Variants in MCPH1 observed in about 807,000 individuals in gnomAD.
The protein encoded by MCPH1 is microcephalin.
Under a neutral mutation model 84.5 loss-of-function variants are expected in MCPH1, and 104 were observed. The observed-to-expected ratio is 1.23, with a 90% confidence interval of 1.05 to 1.45. The LOEUF is 1.45. Ranked by LOEUF, MCPH1 falls within the 40% of genes most tolerant of loss-of-function variation. The pLI, the probability that MCPH1 is intolerant of heterozygous loss-of-function variation, is 0.00. For missense variants in MCPH1, 1,498 were observed against 1,005.7 expected (o/e 1.49, Z -6.62); for synonymous variants, 514 against 366.8 (o/e 1.40, Z -4.58).
At chr8:6,416,646 C>A (rs1010746488) in intron 3 of MCPH1, among the ~76,000 whole-genome samples, 4 of 152,132 alleles carry the variant, frequency 2.6e-5, no homozygotes, top group African/African-American at 7.2e-5. Context: ...ACCTTGCAGT[C>A]CTAGGATAAA....
At chr8:6,525,875 A>C (rs2442612) in intron 12 of MCPH1, among the ~76,000 whole-genome samples, 12,886 of 152,288 alleles carry the variant, frequency 0.085, 731 homozygotes, top group African/African-American at 0.15. Context: ...GATTGGAAAA[A>C]TATTTGCAAA....
chr8:6,587,417 T>C (rs764110755), intron 12 of MCPH1, among the ~76,000 whole-genome samples: 3 of 152,192 alleles, frequency 2.0e-5, no homozygotes, highest in Non-Finnish European at 4.4e-5. Context: ...ACAATAGAAT[T>C]CAACACTTTC....
chr8:6,436,985 T>C (rs1014388203), intron 5 of MCPH1, among the ~76,000 whole-genome samples: 1 of 151,934 alleles, frequency 6.6e-6, no homozygotes, highest in Admixed American at 6.6e-5. Context: ...AAAAAGAATA[T>C]TATGAAACAT....
intron 12 of MCPH1, among the ~76,000 whole-genome samples, chr8:6,593,639 C>A (rs548781277): frequency 6.0e-4 from 91 of 152,194 alleles, no homozygotes; most frequent in Non-Finnish European, 1.0e-3. Flanking sequence ...TAGGTGTGAA[C>A]CCCTACAGCT....
intron 4 of MCPH1, among the ~76,000 whole-genome samples, chr8:6,432,959 T>A (rs561851634): frequency 6.6e-6 from 1 of 152,232 alleles, no homozygotes; most frequent in Non-Finnish European, 1.5e-5. Flanking sequence ...CAGCTTTCAA[T>A]TTGATGAGTA....
chr8:6,550,288 C>A (rs998153403), intron 12 of MCPH1, among the ~76,000 whole-genome samples: 1 of 152,056 alleles, frequency 6.6e-6, no homozygotes, highest in Non-Finnish European at 1.5e-5. Flanking sequence ...GAGGTTGAAT[C>A]CCCGGGGCAT....
At chr8:6,416,003 G>T (rs556165307) in intron 3 of MCPH1, among the ~76,000 whole-genome samples, 2 of 152,148 alleles carry the variant, frequency 1.3e-5, no homozygotes, top group East Asian at 3.9e-4. Context: ...CAGTGTACAA[G>T]TTTTTTACCC....
In MCPH1 at chr8:6,513,239, A is replaced by G. The variant is rs1452898580; in HGVS notation, c.2214+13310A>G. ...ATTTTAAACCCAGAGAAACTTAAAG[A>G]AGTAATAGTTTAGATCTTGGTTAAA... is the stretch of plus-strand genomic sequence containing the variant. On this transcript the variant is annotated intron_variant, in intron 12 of 13. Coordinates refer to ENST00000344683, the MANE Select transcript of MCPH1 (RefSeq NM_024596.5). Among the ~76,000 whole-genome samples the G allele has an allele frequency of 2.0e-5, 3 of 152,208 alleles. No homozygotes were observed. In the East Asian group the frequency reaches 5.8e-4, roughly 29 times the overall value.
Position 6,599,235 on chromosome 8 carries a change from G to A in MCPH1, c.2215-22219G>A, listed in dbSNP as rs137924170. On this transcript the variant is annotated intron_variant, in intron 12 of 13. Transcript: ENST00000344683. ...GAATGCCTTCCTCCGCGGACCGGAA[G>A]GATATTTTTAAAGGAATGTGAAGCT... 2.3e-3 allele frequency among the ~76,000 whole-genome samples: 344 copies of A among 152,310 alleles called. 1 individual carries two copies. Among genetic ancestry groups the A allele is most frequent in the African/African-American group, 7.8e-3 (324 of 41,578 alleles).
intron 12 of MCPH1, among the ~76,000 whole-genome samples, chr8:6,545,494 T>C (rs1184807055): frequency 3.3e-5 from 5 of 152,250 alleles, no homozygotes; most frequent in Non-Finnish European, 7.3e-5. Flanking sequence ...TAATGCCTAA[T>C]GAAATGAACT....
intron 9 of MCPH1, among the ~76,000 whole-genome samples, chr8:6,477,018 G>A (rs1194558824): frequency 3.3e-5 from 5 of 151,386 alleles, no homozygotes; most frequent in Non-Finnish European, 7.4e-5. Context: ...GCAAGTCAGC[G>A]TGCATTTCTT....
intron 9 of MCPH1, among the ~76,000 whole-genome samples, chr8:6,475,645 T>C (rs1194499876): frequency 6.6e-6 from 1 of 152,136 alleles, no homozygotes; most frequent in Non-Finnish European, 1.5e-5. Context: ...TATCCCCAGG[T>C]CACCAGAAGA....
chr8:6,449,520 C>G (rs1804825690), intron 8 of MCPH1, among the ~76,000 whole-genome samples: 1 of 152,044 alleles, frequency 6.6e-6, no homozygotes, highest in Non-Finnish European at 1.5e-5. Flanking sequence ...ATAATCTCAG[C>G]TACTTGGGAG....
At chr8:6,565,936 C>A (rs1459046404) in intron 12 of MCPH1, among the ~76,000 whole-genome samples, 2 of 152,154 alleles carry the variant, frequency 1.3e-5, no homozygotes, top group Non-Finnish European at 2.9e-5. Flanking sequence ...TGGAAATTAT[C>A]GGAACCAGAG....
At chr8:6,561,504 C>A (rs897637544) in intron 12 of MCPH1, among the ~76,000 whole-genome samples, 2 of 152,208 alleles carry the variant, frequency 1.3e-5, no homozygotes, top group Admixed American at 6.5e-5. Context: ...GGTGTCCTAA[C>A]AAAAGGTTTA....
intron 12 of MCPH1, among the ~76,000 whole-genome samples, chr8:6,586,992 G>A (rs756993306): frequency 7.2e-5 from 11 of 152,048 alleles, no homozygotes; most frequent in East Asian, 5.8e-4. Context: ...CCTGCAGGCC[G>A]CAGTTTCCTC....
At chr8:6,607,071 C>G (rs10100002) in intron 12 of MCPH1, among the ~76,000 whole-genome samples, 1 of 152,062 alleles carries the variant, frequency 6.6e-6, no homozygotes, top group Non-Finnish European at 1.5e-5. Context: ...TCAGGACACA[C>G]TGTCCCCATT....
At chr8:6,592,238 A>G (rs185320038) in intron 12 of MCPH1, among the ~76,000 whole-genome samples, 6 of 151,888 alleles carry the variant, frequency 4.0e-5, no homozygotes, top group African/African-American at 7.2e-5. Context: ...CTGCAGCTCA[A>G]CCTCTCGGGC....
chr8:6,415,517 C>G lies in MCPH1; in HGVS notation c.233+634C>G, dbSNP rs527623011. ...TACAGGCACGCACCACCATGCCTGGCTAATTTTTGCATTTTTGGTAGAGAC... is the reference window on the plus strand; with the variant it reads ...TACAGGCACGCACCACCATGCCTGGGTAATTTTTGCATTTTTGGTAGAGAC... On this transcript the variant is annotated intron_variant, in intron 3 of 13. Coordinates refer to ENST00000344683, the MANE Select transcript of MCPH1 (RefSeq NM_024596.5). 2.0e-5 allele frequency among the ~76,000 whole-genome samples: 3 copies of G among 152,106 alleles called. No individual in the cohort carries two copies. The East Asian group carries it at 5.8e-4, about 29-fold the overall frequency.
Sources: allele counts gnomAD v4.1 joint callset (sites outside exome capture counted in the v4.1 genomes callset), GRCh38; gene constraint gnomAD v4.1.1; transcripts MANE v1.5; gene names NCBI Gene and HGNC (gene_info 2026-07-23, HGNC 2026-07-21).